The following TTC29 variants were observed in gnomAD, a reference collection of about 807,000 sequenced individuals.
TTC29 encodes the protein tetratricopeptide repeat domain 29.
In TTC29, 49 loss-of-function variants were observed where a neutral mutation model predicts 58.1. The ratio of observed to expected loss-of-function variants is 0.84; its 90% confidence interval spans 0.67 to 1.07. The LOEUF (loss-of-function observed/expected upper bound fraction) is 1.07, where lower values mean the gene tolerates loss of function less well. Among genes scored for constraint, TTC29 ranks in the 50% least tolerant of loss-of-function variants. The pLI is 0.00. For synonymous variants in TTC29, 209 were observed against 196.8 expected, an observed-to-expected ratio of 1.06 and a Z score of -0.52; for missense variants, 582 against 555.6, an observed-to-expected ratio of 1.05 and a Z score of -0.48.
intron 11 of TTC29, chr4:146,764,164 CA>C (rs1360923570): frequency 2.6e-5 from 4 of 152,066 alleles, no homozygotes; most frequent in African/African-American, 9.7e-5. Flanking sequence ...ACAAGTTTTG[CA>C]TTCAGTATTC....
At chr4:146,842,680 C>A (rs1728922925) in intron 8 of TTC29, among the ~76,000 whole-genome samples, 1 of 152,084 alleles carries the variant, frequency 6.6e-6, no homozygotes, top group South Asian at 2.1e-4. Context: ...TTTCTTCCTT[C>A]CCCACCATAA....
intron 10 of TTC29, among the ~76,000 whole-genome samples, chr4:146,809,849 G>A (rs991992478): frequency 6.7e-6 from 1 of 149,914 alleles, no homozygotes; most frequent in African/African-American, 2.4e-5. Context: ...GCAGAAGACA[G>A]GGTGGCAATT....
chr4:146,892,323 C>T (rs1234401282), intron 6 of TTC29, among the ~76,000 whole-genome samples: 1 of 152,110 alleles, frequency 6.6e-6, no homozygotes, highest in Non-Finnish European at 1.5e-5. Flanking sequence ...AACTGTGAGT[C>T]AATTGAACCT....
chr4:146,907,417 ATAT>A (rs1182833077), intron 5 of TTC29, among the ~76,000 whole-genome samples: 2 of 152,206 alleles, frequency 1.3e-5, no homozygotes, highest in East Asian at 1.9e-4. Flanking sequence ...TAATGAGCAA[ATAT>A]TATCTTAGTT....
chr4:146,707,225 T>C (rs573888579), intron 12 of TTC29, 37 bp from the exon 13 acceptor site: 3 of 1,334,908 alleles, frequency 2.2e-6, no homozygotes, highest in Admixed American at 5.3e-5. Flanking sequence ...ACTTTTATAC[T>C]GGGCTAGAAA....
intron 11 of TTC29, among the ~76,000 whole-genome samples, chr4:146,753,073 CT>C (rs1374590814): frequency 1.3e-5 from 2 of 152,154 alleles, no homozygotes; most frequent in Non-Finnish European, 2.9e-5. Flanking sequence ...AACTAAAGAG[CT>C]TCTGTACAGC....
intron 9 of TTC29, among the ~76,000 whole-genome samples, chr4:146,823,959 G>T (rs1752010900): frequency 6.6e-6 from 1 of 152,178 alleles, no homozygotes; most frequent in Admixed American, 6.5e-5. Context: ...TTTGTATCCT[G>T]AGACTTTGTT....
chr4:146,819,516 A>G (rs912095907), intron 10 of TTC29, among the ~76,000 whole-genome samples: 13 of 152,240 alleles, frequency 8.5e-5, no homozygotes, highest in African/African-American at 2.7e-4. Flanking sequence ...AGATAAAATC[A>G]GGAGAAAATA....
At chr4:146,764,875 G>T (rs1451529745) in intron 11 of TTC29, among the ~76,000 whole-genome samples, 1 of 151,836 alleles carries the variant, frequency 6.6e-6, no homozygotes, top group African/African-American at 2.4e-5. Context: ...ATTGCCTACT[G>T]ATAGTGACAG....
chr4:146,942,473 C>T, intron 2 of TTC29: 3 of 518,326 alleles, frequency 5.8e-6, no homozygotes, highest in East Asian at 6.1e-5. Context: ...ACTGGAATAA[C>T]AAGAACTTAC....
intron 11 of TTC29, among the ~76,000 whole-genome samples, chr4:146,715,103 G>T (rs1327406201): frequency 6.6e-6 from 1 of 152,068 alleles, no homozygotes; most frequent in Admixed American, 6.6e-5. Context: ...GTCCCAAAGT[G>T]TTGGGATGAC....
chr4:146,880,835 A>G (rs1561215509), intron 6 of TTC29, among the ~76,000 whole-genome samples: 1 of 152,098 alleles, frequency 6.6e-6, no homozygotes, highest in South Asian at 2.1e-4. Context: ...GCCATATAAC[A>G]TTCCTGTATT....
intron 6 of TTC29, among the ~76,000 whole-genome samples, chr4:146,893,837 GA>G (rs891945443): frequency 5.3e-5 from 8 of 151,900 alleles, no homozygotes; most frequent in Non-Finnish European, 1.2e-4. Flanking sequence ...AAATTTACAA[GA>G]AAAAAACAAC....
intron 9 of TTC29, among the ~76,000 whole-genome samples, chr4:146,828,784 T>C (rs17609789): frequency 0.061 from 9,355 of 152,222 alleles, 397 homozygotes; most frequent in Admixed American, 0.13. Flanking sequence ...CAAATAATGC[T>C]AGAGAAAAAA....
chr4:146,932,886 C>T (rs1460487878), intron 4 of TTC29, among the ~76,000 whole-genome samples: 1 of 151,882 alleles, frequency 6.6e-6, no homozygotes, highest in East Asian at 1.9e-4. Context: ...GAAACCCCGT[C>T]TCTACTAAAA....
chr4:146,838,882 CT>C (rs1178741102), intron 8 of TTC29, among the ~76,000 whole-genome samples: 2 of 151,972 alleles, frequency 1.3e-5, no homozygotes, highest in African/African-American at 4.8e-5. Flanking sequence ...TTCTACCAGT[CT>C]TGGCCCTTAT....
chr4:146,711,097 C>T (rs1742459755), intron 11 of TTC29, among the ~76,000 whole-genome samples: 2 of 151,922 alleles, frequency 1.3e-5, no homozygotes. Context: ...TTGTAGTGGC[C>T]TTACTCTAAA....
Position 146,803,466 on chromosome 4 carries a change from G to C in TTC29, c.1321C>G (p.Pro441Ala), listed in dbSNP as rs376785385. 3.8e-6 allele frequency: 6 copies of C among 1,578,958 alleles called. No homozygotes were observed. The African/African-American group carries it at 8.1e-5, about 21-fold the overall frequency. ...KESRGNIEPD[P>A]VTEEFRGSTV... is the part of the protein sequence containing the mutation. ...AAAACCAATGCCTTACCAGTAACTG[G>C]ATCAGGTTCAATGTTACCTCTGCTC... The change falls in exon 11 of 13, where the codon CCA (proline) becomes GCA (alanine). Residue 441 changes from proline (P) to alanine (A), a missense_variant. Coordinates refer to ENST00000325106, the MANE Select transcript of TTC29 (RefSeq NM_031956.4).
At chr4:146,835,787 G>C (rs183753030) in intron 8 of TTC29, among the ~76,000 whole-genome samples, 1 of 152,262 alleles carries the variant, frequency 6.6e-6, no homozygotes, top group East Asian at 1.9e-4. Context: ...AACAATCAGA[G>C]GTGCCCAGTT....
Sources: allele counts gnomAD v4.1 joint callset (sites outside exome capture counted in the v4.1 genomes callset), GRCh38; gene constraint gnomAD v4.1.1; transcripts MANE v1.5; gene names NCBI Gene and HGNC (gene_info 2026-07-23, HGNC 2026-07-21).